SGCD: variants seen among roughly 807,000 people sequenced by gnomAD.
SGCD encodes sarcoglycan delta, also known as delta-sarcoglycan.
In SGCD, 18 loss-of-function variants were observed where a neutral mutation model predicts 36.6. That is an observed-to-expected ratio of 0.49 (90% confidence interval 0.34 to 0.73). The LOEUF is 0.73. Among genes scored for constraint, SGCD ranks in the 30% least tolerant of loss-of-function variants. SGCD has a pLI of 0.01. For missense variants in SGCD, 387 were observed against 346.7 expected (o/e 1.12, Z -0.92); for synonymous variants, 133 against 130.6 (o/e 1.02, Z -0.12).
chr5:155,738,097 G>A, the SGCD span, among the ~76,000 whole-genome samples: 2 of 152,120 alleles, frequency 1.3e-5, no homozygotes, highest in Non-Finnish European at 2.9e-5. Context: ...AACCCAGAGG[G>A]CATTACTCAC....
At chr5:155,790,432 A>G in the SGCD span, among the ~76,000 whole-genome samples, 1 of 152,070 alleles carries the variant, frequency 6.6e-6, no homozygotes, top group Non-Finnish European at 1.5e-5. Flanking sequence ...GACAATGACC[A>G]GATCTATAAT....
chr5:155,746,459 G>A, the SGCD span, among the ~76,000 whole-genome samples: 3 of 152,146 alleles, frequency 2.0e-5, no homozygotes, highest in African/African-American at 7.2e-5. Flanking sequence ...TAGTAGTAGA[G>A]TTTATTTAAA....
intron 3 of SGCD, among the ~76,000 whole-genome samples, chr5:156,363,899 A>T (rs1007236704): frequency 6.6e-6 from 1 of 152,194 alleles, no homozygotes; most frequent in Non-Finnish European, 1.5e-5. Context: ...CCAGGAGCAC[A>T]CAGAAAAACT....
intron 1 of SGCD, among the ~76,000 whole-genome samples, chr5:156,101,498 A>G (rs188966856): frequency 6.6e-6 from 1 of 152,182 alleles, no homozygotes; most frequent in Admixed American, 6.6e-5. Context: ...ATCTAGAAAT[A>G]TACCTTTGCC....
intron 3 of SGCD, among the ~76,000 whole-genome samples, chr5:156,451,066 TC>T (rs1753987521): frequency 8.9e-6 from 1 of 111,888 alleles, no homozygotes; most frequent in Admixed American, 1.0e-4. Flanking sequence ...TCCCTTCCCC[TC>T]CCCTTGCCTC....
At chr5:156,744,526 A>C (rs976496581) in intron 7 of SGCD, among the ~76,000 whole-genome samples, 5 of 152,000 alleles carry the variant, frequency 3.3e-5, no homozygotes, top group African/African-American at 1.2e-4. Context: ...ATTCTCCCCC[A>C]CTTCACATCC....
intron 7 of SGCD, among the ~76,000 whole-genome samples, chr5:156,668,010 A>G (rs1753125325): frequency 6.6e-6 from 1 of 152,220 alleles, no homozygotes; most frequent in Non-Finnish European, 1.5e-5. Flanking sequence ...CCTTAGAATA[A>G]CACACAGTTC....
intron 4 of SGCD, among the ~76,000 whole-genome samples, chr5:156,559,819 C>T (rs1759196014): frequency 6.6e-6 from 1 of 152,192 alleles, no homozygotes; most frequent in Non-Finnish European, 1.5e-5. Flanking sequence ...AATTTACCTT[C>T]CCACAGACTT....
chr5:156,730,692 C>T (rs1483482563), intron 7 of SGCD, among the ~76,000 whole-genome samples: 3 of 152,026 alleles, frequency 2.0e-5, no homozygotes, highest in Non-Finnish European at 2.9e-5. Context: ...CATATGCATC[C>T]ATGTGTCTTT....
chr5:156,578,316 A>G (rs1399505740), intron 4 of SGCD, among the ~76,000 whole-genome samples: 1 of 152,176 alleles, frequency 6.6e-6, no homozygotes, highest in East Asian at 1.9e-4. Context: ...TCGATTTGCC[A>G]GTATTTTATT....
chr5:155,781,343 G>T, the SGCD span, among the ~76,000 whole-genome samples: 2 of 152,188 alleles, frequency 1.3e-5, no homozygotes, highest in African/African-American at 4.8e-5. Flanking sequence ...AGGACACAGG[G>T]ATTCCTATCA....
At chr5:156,199,382 A>G (rs1764090622) in intron 3 of SGCD, among the ~76,000 whole-genome samples, 1 of 152,144 alleles carries the variant, frequency 6.6e-6, no homozygotes, top group African/African-American at 2.4e-5. Flanking sequence ...TCTTCACAGA[A>G]TTGGGAAATA....
chr5:156,648,104 AACAG>A (rs750712303), intron 7 of SGCD, among the ~76,000 whole-genome samples: 5 of 152,106 alleles, frequency 3.3e-5, no homozygotes, highest in African/African-American at 7.2e-5. Context: ...CAGATGGATA[AACAG>A]ACAGAGAGCC....
intron 3 of SGCD, among the ~76,000 whole-genome samples, chr5:156,391,032 T>C (rs1261168215): frequency 6.6e-6 from 1 of 152,198 alleles, no homozygotes; most frequent in Non-Finnish European, 1.5e-5. Context: ...TCACATTCAC[T>C]CACCACTCAC....
At chr5:156,741,013 G>A (rs1379890304) in intron 7 of SGCD, among the ~76,000 whole-genome samples, 2 of 152,232 alleles carry the variant, frequency 1.3e-5, no homozygotes, top group Non-Finnish European at 2.9e-5. Flanking sequence ...AGTAATCCTA[G>A]GTGTTGGTGT....
intron 4 of SGCD, among the ~76,000 whole-genome samples, chr5:156,529,660 T>A (rs1357698804): frequency 6.6e-6 from 1 of 152,214 alleles, no homozygotes; most frequent in Non-Finnish European, 1.5e-5. Flanking sequence ...TTAAAAAACT[T>A]GTTCCTTGTC....
chr5:156,078,526 T>A (rs866158780), intron 1 of SGCD, among the ~76,000 whole-genome samples: 2,777 of 141,872 alleles, frequency 0.02, 104 homozygotes, highest in African/African-American at 0.064. Flanking sequence ...AAAAAATATA[T>A]ATATATATAT....
At chr5:156,305,955 G>A (rs1265590786) in intron 3 of SGCD, among the ~76,000 whole-genome samples, 1 of 151,480 alleles carries the variant, frequency 6.6e-6, no homozygotes, top group Non-Finnish European at 1.5e-5. Flanking sequence ...TGGAATGGCT[G>A]TATTTACCCA....
At chr5:156,152,864 A>G (rs1762863461) in intron 3 of SGCD, among the ~76,000 whole-genome samples, 1 of 151,522 alleles carries the variant, frequency 6.6e-6, no homozygotes, top group African/African-American at 2.4e-5. Context: ...ATTTTTTTCA[A>G]AGTTAGGAAT....
Sources: gnomAD v4.1 joint callset for allele counts (sites outside exome capture counted in the v4.1 genomes callset) on GRCh38, gnomAD v4.1.1 for gene constraint, MANE v1.5 for transcripts, NCBI Gene and HGNC (gene_info 2026-07-23, HGNC 2026-07-21) for gene names.